ACAA1: variants seen among roughly 807,000 people sequenced by gnomAD.
ACAA1 encodes acetyl-CoA acyltransferase 1, also known as 3-ketoacyl-CoA thiolase, peroxisomal.
Under a neutral mutation model 48.8 loss-of-function variants are expected in ACAA1, and 44 were observed. That is an observed-to-expected ratio of 0.90 (90% CI 0.71 to 1.16). The LOEUF is 1.16. Ranked by LOEUF, ACAA1 falls within the 50% of genes most tolerant of loss-of-function variation. ACAA1 has a pLI of 0.00. For missense variants in ACAA1, 512 were observed against 562.3 expected (o/e 0.91, Z 0.90); for synonymous variants, 233 against 226.5 (o/e 1.03, Z -0.26).
intron 2 of ACAA1, 153 bp from the exon 3 acceptor site, chr3:38,134,162 G>A (rs989310197): frequency 1.4e-6 from 1 of 702,956 alleles, no homozygotes; most frequent in African/African-American, 1.8e-5. Flanking sequence ...CAGGGTTTGG[G>A]GCAGGGAGAG....
intron 9 of ACAA1, 29 bp from the exon 10 acceptor site, chr3:38,125,910 C>T (rs200937489): frequency 1.9e-6 from 3 of 1,613,930 alleles, no homozygotes; most frequent in Non-Finnish European, 2.5e-6. Context: ...CCTGAGCTGA[C>T]ACACTGGCCC....
intron 7 of ACAA1, among the ~76,000 whole-genome samples, chr3:38,127,264 T>G (rs2125765740): frequency 6.6e-6 from 1 of 152,340 alleles, no homozygotes; most frequent in Admixed American, 6.5e-5. Context: ...AATGGTTATG[T>G]GACCCAAAGT....
In ACAA1 at chr3:38,125,235, G is replaced by A. The variant is rs533196706; in HGVS notation, c.1199+330C>T. On this transcript the variant is annotated intron_variant, in intron 11 of 11. Transcript: ENST00000333167. Reference sequence around the variant, plus strand: ...TTCAACATTAGGATTTCAACATTCAGGATTTTAATCTTTTGAGATTGTGAT... The same window carrying A: ...TTCAACATTAGGATTTCAACATTCAAGATTTTAATCTTTTGAGATTGTGAT... 1.5e-3 allele frequency: 318 copies of A among 214,900 alleles called. 8 individuals carry two copies. The highest frequency in any genetic ancestry group is 1.8e-4 in the South Asian group (1 of 5,628). 13.3% of individuals were successfully genotyped at this position (214,900 alleles called of 1,614,324 possible).
intron 5 of ACAA1, among the ~76,000 whole-genome samples, chr3:38,130,532 T>G (rs959366467): frequency 2.0e-5 from 3 of 152,208 alleles, no homozygotes; most frequent in Non-Finnish European, 4.4e-5. Context: ...GATCAAAGTC[T>G]ATGGAGAACA....
rs1194846578 is a variant in ACAA1, at chr3:38,126,533, T to G, written c.794A>C (p.Lys265Thr). The change falls in exon 8 of 12, where the codon AAG (lysine) becomes ACG (threonine). Residue 265 changes from lysine (K) to threonine (T), a missense_variant. Physicochemically the swap from Lys to Thr is moderately conservative, Grantham distance 78. Transcript: ENST00000333167. The surrounding 1 kb of genome is among the most constrained non-coding windows in gnomAD (Gnocchi z 4.7). ...EGLAKLKPAF[K>T]KDGSTTAGNS... is the part of the protein sequence containing the mutation. ...ACCAGCTGTGGTAGAACCATCTTTC[T>G]TGAAGGCAGGCTTCAGTTTGGCCAG... 1 of 1,614,090 alleles carries G rather than the reference T, an allele frequency of 6.2e-7. No individual in the cohort carries two copies. The highest frequency in any genetic ancestry group is 1.3e-5 in the African/African-American group (1 of 74,940).
Position 38,129,396 on chromosome 3 carries a change from G to A in ACAA1, c.447-8C>T. On this transcript the variant is annotated splice_region_variant and splice_polypyrimidine_tract_variant and intron_variant, in intron 5 of 11. Coordinates refer to ENST00000333167, the MANE Select transcript of ACAA1 (RefSeq NM_001607.4). This position sits in a 1 kb window ranked among gnomAD's most constrained non-coding sequence, Gnocchi z 5.3. The stretch of plus-strand genomic sequence containing the variant: ...AGGGACATGGACTCCACCCTGGGGA[G>A]GAGGAAGAGGAGGAGAAGGTAAGGT... The A allele has an allele frequency of 6.2e-7, 1 of 1,604,242 alleles. No individual in the cohort carries two copies.
Position 38,122,741 on chromosome 3 carries a change from A to C in ACAA1, c.*306T>G. 1 of 1,295,440 alleles carries C rather than the reference A, an allele frequency of 7.7e-7. No individual in the cohort carries two copies. The highest frequency in any genetic ancestry group is 1.0e-6 in the Non-Finnish European group (1 of 981,840). The allele number at this position is 1,295,440 out of a possible 1,614,324, so 80.2% of individuals were successfully genotyped here. The stretch of plus-strand genomic sequence containing the variant: ...AAATTCATGCACTTTTACTATGCCC[A>C]TTGCACTTCTCATCCATGGATTTGC... On this transcript the variant is annotated 3_prime_UTR_variant, in exon 12 of 12. Transcript: ENST00000333167.
In ACAA1 at chr3:38,129,696, C is replaced by T. The variant is rs1700747814; in HGVS notation, c.447-308G>A. ...GGCAATTCCAGAGAAAAGCCTTCTG[C>T]TGTCAGCCACAGAGGAGGAAACACA... On this transcript the variant is annotated intron_variant, in intron 5 of 11. Transcript: ENST00000333167. The surrounding 1 kb of genome is among the most constrained non-coding windows in gnomAD (Gnocchi z 5.3). 6.6e-6 allele frequency among the ~76,000 whole-genome samples: 1 copy of T among 152,262 alleles called. No homozygotes were observed. Among genetic ancestry groups the T allele is most frequent in the African/African-American group, 2.4e-5 (1 of 41,468 alleles).
At chr3:38,135,727 G>A (rs1700877706) in intron 2 of ACAA1, among the ~76,000 whole-genome samples, 1 of 152,048 alleles carries the variant, frequency 6.6e-6, no homozygotes, top group African/African-American at 2.4e-5. Context: ...TCCATTCCCA[G>A]GGACAAGCAG....
In ACAA1 at chr3:38,131,616, A is replaced by G. The variant is rs770283001; in HGVS notation, c.426T>C (p.Tyr142=). 3 of 1,614,242 alleles carry G rather than the reference A, an allele frequency of 1.9e-6. No homozygotes were observed. The highest frequency in any genetic ancestry group is 2.5e-6 in the Non-Finnish European group (3 of 1,180,042). ...SIAGGIRNGS[Y]DIGMACGVES... ...CTTACCCACAGGCCATGCCAATGTCATAAGACCCATTTCTGATGCCACCTG... is the reference window on the plus strand; with the variant it reads ...CTTACCCACAGGCCATGCCAATGTCGTAAGACCCATTTCTGATGCCACCTG... The change falls in exon 5 of 12, where the codon TAT becomes TAC. Residue 142 remains tyrosine, a synonymous_variant. Coordinates refer to ENST00000333167, the MANE Select transcript of ACAA1 (RefSeq NM_001607.4).
At chr3:38,127,380 G>T (rs1700700968) in intron 7 of ACAA1, among the ~76,000 whole-genome samples, 1 of 152,148 alleles carries the variant, frequency 6.6e-6, no homozygotes, top group African/African-American at 2.4e-5. Flanking sequence ...GCCTGCCTGA[G>T]CCCCTGGGGT....
chr3:38,134,601 C>T (rs1039039783), intron 2 of ACAA1: 1 of 449,590 alleles, frequency 2.2e-6, no homozygotes, highest in African/African-American at 2.0e-5. Context: ...TAATCTGTAA[C>T]TTTAGCCCCA....
intron 4 of ACAA1, 24 bp from the exon 5 acceptor site, chr3:38,131,662 C>T (rs765259333): frequency 6.2e-7 from 1 of 1,613,814 alleles, no homozygotes; most frequent in South Asian, 1.1e-5. Context: ...ATTTCATAAA[C>T]ATCCTTTGCC....
intron 11 of ACAA1, 31 bp downstream of exon 11, chr3:38,125,531 CCCT>C: frequency 6.6e-7 from 1 of 1,516,790 alleles, no homozygotes. Context: ...TTGGATATCC[CCCT>C]ATGACCCCAC....
At chr3:38,136,519 G>T in intron 2 of ACAA1, 73 bp downstream of exon 2, 1 of 1,547,672 alleles carries the variant, frequency 6.5e-7, no homozygotes, top group East Asian at 2.3e-5. Flanking sequence ...ATTCGGGGCG[G>T]GGAGGTGAGG....
chr3:38,125,931 C>T, intron 9 of ACAA1, 50 bp from the exon 10 acceptor site: 5 of 1,609,214 alleles, frequency 3.1e-6, no homozygotes, highest in Non-Finnish European at 4.3e-6. Context: ...TCTGCCTCCC[C>T]TGGGGCCCAC....
At chr3:38,127,935 G>A in intron 6 of ACAA1, 69 bp from the exon 7 acceptor site, 1 of 1,546,818 alleles carries the variant, frequency 6.5e-7, no homozygotes. Flanking sequence ...AGGCTGTAGA[G>A]CTGTGCTTGG....
At position 38,126,197 on chromosome 3, in the gene ACAA1, G is replaced by A; in HGVS notation, c.962C>T (p.Pro321Leu). ...GVPPDIMGIG[P>L]AYAIPVALQK... The stretch of plus-strand genomic sequence containing the variant: ...CAAAGCTACTGGGATGGCATAGGCA[G>A]GTCCAATGCCCATGATGTCAGGTGG... Residue 321 changes from proline to leucine, a missense_variant, in exon 9 of 12, where the codon CCT becomes CTT. Physicochemically the swap from Pro to Leu is moderately conservative, Grantham distance 98. Coordinates refer to ENST00000333167, the MANE Select transcript of ACAA1 (RefSeq NM_001607.4). This position sits in a 1 kb window ranked among gnomAD's most constrained non-coding sequence, Gnocchi z 4.7. 6.2e-7 allele frequency: 1 copy of A among 1,614,178 alleles called. No individual in the cohort carries two copies. Among genetic ancestry groups the A allele is most frequent in the East Asian group, 2.2e-5 (1 of 44,888 alleles).
chr3:38,128,886 C>T (rs143094393), intron 6 of ACAA1, among the ~76,000 whole-genome samples: 4 of 152,304 alleles, frequency 2.6e-5, no homozygotes, highest in African/African-American at 9.6e-5. Context: ...CCATCGCACC[C>T]GGCCAAATGC....
Sources: allele counts gnomAD v4.1 joint callset (sites outside exome capture counted in the v4.1 genomes callset), GRCh38; gene constraint gnomAD v4.1.1; non-coding constraint Gnocchi (gnomAD v3.1); transcripts MANE v1.5; gene names NCBI Gene and HGNC (gene_info 2026-07-23, HGNC 2026-07-21).